The following FAM3B variants were observed in gnomAD, a reference collection of about 807,000 sequenced individuals.
The protein encoded by FAM3B is FAM3 metabolism regulating signaling molecule B.
Under a neutral mutation model 28.4 loss-of-function variants are expected in FAM3B, and 29 were observed. That is an observed-to-expected ratio of 1.02 (90% confidence interval 0.76 to 1.39). The LOEUF (loss-of-function observed/expected upper bound fraction) is 1.39. Among genes scored for constraint, FAM3B ranks in the 40% most tolerant of loss-of-function variants. The pLI is 0.00. For synonymous variants in FAM3B, 91 were observed against 103.0 expected (o/e 0.88, Z 0.71); for missense variants, 266 against 293.9 (o/e 0.91, Z 0.69).
At chr21:41,314,934 G>A (rs965272317), upstream of FAM3B, among the ~76,000 whole-genome samples, 2 of 152,168 alleles carry the variant, frequency 1.3e-5, no homozygotes, top group Admixed American at 6.6e-5. Flanking sequence ...CCACTTCTCA[G>A]TATGTATCCA....
intron 1 of FAM3B, among the ~76,000 whole-genome samples, chr21:41,317,944 G>A (rs946026695): frequency 6.6e-6 from 1 of 151,952 alleles, no homozygotes; most frequent in Non-Finnish European, 1.5e-5. Flanking sequence ...TGGATTGTAG[G>A]AGAGATATGT....
intron 1 of FAM3B, among the ~76,000 whole-genome samples, chr21:41,307,464 A>T (rs920700505): frequency 2.6e-5 from 4 of 152,156 alleles, no homozygotes; most frequent in African/African-American, 9.7e-5. Flanking sequence ...TCCTTTAAAA[A>T]CTTTCCTTTG....
At position 41,307,210 on chromosome 21, in the gene FAM3B, C is replaced by T. The variant is rs145073031; in HGVS notation, n.99+2900C>T. ...TGCCTTACCTTTCACTTTTGTGTTA[C>T]GGAGATGGCTTCTTTTCTTCAACCT... On this transcript the variant is annotated intron_variant and non_coding_transcript_variant, in intron 1 of 9. Transcript: ENST00000479810. Among the ~76,000 whole-genome samples, 205 of 152,328 alleles carry T rather than the reference C, an allele frequency of 1.3e-3. 1 individual carries two copies. The Middle Eastern group carries it at 0.014, about 10-fold the overall frequency.
chr21:41,328,297 A>C (rs2088872064), intron 2 of FAM3B, among the ~76,000 whole-genome samples: 2 of 152,110 alleles, frequency 1.3e-5, no homozygotes, highest in Non-Finnish European at 2.9e-5. Context: ...CTACTTTTAA[A>C]CTGTTAGTTA....
At chr21:41,314,203 G>A (rs1046876683), upstream of FAM3B, among the ~76,000 whole-genome samples, 1 of 152,194 alleles carries the variant, frequency 6.6e-6, no homozygotes, top group African/African-American at 2.4e-5. Flanking sequence ...CACCATGTGA[G>A]GACACAGTGA....
At chr21:41,321,392 G>A (rs1316873545) in intron 1 of FAM3B, among the ~76,000 whole-genome samples, 2 of 152,300 alleles carry the variant, frequency 1.3e-5, no homozygotes, top group Admixed American at 6.5e-5. Context: ...GGAGTGCAGC[G>A]CCCGCAGGTG....
chr21:41,332,563 T>A (rs73226120), intron 2 of FAM3B, among the ~76,000 whole-genome samples: 7,759 of 152,334 alleles, frequency 0.051, 273 homozygotes, highest in Middle Eastern at 0.17. Flanking sequence ...CATTCCCTCC[T>A]CTTCAATTTT....
intron 5 of FAM3B, chr21:41,345,998 AAG>A: frequency 3.2e-6 from 1 of 309,818 alleles, no homozygotes; most frequent in African/African-American, 2.4e-5. Context: ...ATGATATAAT[AAG>A]AAAGAGAAAA....
rs1353052207 is a variant in FAM3B, at chr21:41,323,071, G to A, written c.163+5G>A. 3.1e-6 allele frequency: 5 copies of A among 1,602,692 alleles called. No homozygotes were observed. The highest frequency in any genetic ancestry group is 1.3e-5 in the African/African-American group (1 of 74,920). Reference sequence around the variant, plus strand: ...GGGAGAGGCCTGTCCTCAAAGGTGAGTGCCGTGCTTGGGGCAGACGGCTGC... The same window carrying A: ...GGGAGAGGCCTGTCCTCAAAGGTGAATGCCGTGCTTGGGGCAGACGGCTGC... On this transcript the variant is annotated splice_donor_5th_base_variant and intron_variant, in intron 2 of 7. Transcript: ENST00000357985.
intron 2 of FAM3B, among the ~76,000 whole-genome samples, chr21:41,337,836 T>C (rs2088969300): frequency 1.3e-5 from 2 of 151,658 alleles, no homozygotes; most frequent in Non-Finnish European, 2.9e-5. Context: ...CATCATGTGG[T>C]GTGTGTGCAT....
intron 5 of FAM3B, 43 bp from the exon 6 acceptor site, chr21:41,346,970 G>A (rs1222955834): frequency 1.3e-6 from 2 of 1,575,186 alleles, no homozygotes; most frequent in African/African-American, 1.3e-5. Context: ...CAGAGCCTCA[G>A]TGAACAGCAA....
intron 7 of FAM3B, among the ~76,000 whole-genome samples, chr21:41,350,668 G>A (rs750358936): frequency 9.9e-5 from 15 of 152,240 alleles, no homozygotes; most frequent in African/African-American, 3.4e-4. Context: ...GCTTCTCAGA[G>A]GGTGGGGCCT....
intron 1 of FAM3B, chr21:41,321,127 C>A: frequency 6.6e-6 from 1 of 152,386 alleles, no homozygotes. Context: ...ATGAAACAGT[C>A]CAGCTACGAC....
At chr21:41,340,457 T>A (rs187583493) in intron 3 of FAM3B, among the ~76,000 whole-genome samples, 93 of 152,260 alleles carry the variant, frequency 6.1e-4, no homozygotes, top group African/African-American at 2.0e-3. Context: ...CAGCCAAAGT[T>A]GTCCTTTTAT....
At chr21:41,323,240 G>T (rs1030611434) in intron 2 of FAM3B, among the ~76,000 whole-genome samples, 174 bp downstream of exon 2, 1 of 152,202 alleles carries the variant, frequency 6.6e-6, no homozygotes, top group Non-Finnish European at 1.5e-5. Flanking sequence ...TCCAAGGCAC[G>T]TGCCGCTGCT....
chr21:41,316,045 C>CTAGTT (rs2088746364), upstream of FAM3B, among the ~76,000 whole-genome samples: 3 of 152,166 alleles, frequency 2.0e-5, 1 homozygote, highest in South Asian at 6.2e-4. Context: ...TACCTGAGGC[C>CTAGTT]ACTGTGACTA....
intron 2 of FAM3B, among the ~76,000 whole-genome samples, chr21:41,325,248 A>G (rs1329760228): frequency 6.6e-6 from 1 of 152,246 alleles, no homozygotes; most frequent in East Asian, 1.9e-4. Context: ...CTAATAAATC[A>G]TGAGCATTGA....
At chr21:41,314,792 T>C (rs1482034118), upstream of FAM3B, among the ~76,000 whole-genome samples, 3 of 151,022 alleles carry the variant, frequency 2.0e-5, no homozygotes, top group African/African-American at 7.3e-5. Context: ...GATAACAACA[T>C]GCGTTGGTGA....
intron 1 of FAM3B, chr21:41,320,465 G>A (rs1279708354): frequency 6.6e-6 from 1 of 152,312 alleles, no homozygotes; most frequent in Non-Finnish European, 1.5e-5. Context: ...ACAGCAGCCT[G>A]AGGAAATGAT....
Sources: gnomAD v4.1 joint callset for allele counts (sites outside exome capture counted in the v4.1 genomes callset) on GRCh38, gnomAD v4.1.1 for gene constraint, MANE v1.5 for transcripts, NCBI Gene and HGNC (gene_info 2026-07-23, HGNC 2026-07-21) for gene names.